The following CAPZA1 variants were observed in gnomAD, a reference collection of about 807,000 sequenced individuals.
CAPZA1 encodes F-actin-capping protein subunit alpha-1.
A neutral mutation model predicts 40.8 loss-of-function variants in CAPZA1; 10 were observed. The observed-to-expected ratio is 0.25, with a 90% CI of 0.15 to 0.42. The LOEUF (loss-of-function observed/expected upper bound fraction) is 0.42. Among genes scored for constraint, CAPZA1 ranks in the 10% least tolerant of loss-of-function variants. CAPZA1 has a pLI of 1.00. For synonymous variants in CAPZA1, 98 were observed against 115.0 expected, an observed-to-expected ratio of 0.85 and a Z score of 0.95; for missense variants, 277 against 353.8, an observed-to-expected ratio of 0.78 and a Z score of 1.74.
chr1:112,619,838 G>A lies in CAPZA1; in HGVS notation c.-7G>A, dbSNP rs1467417487. 3 of 1,612,766 alleles carry A rather than the reference G, an allele frequency of 1.9e-6. No homozygotes were observed. The East Asian group carries it at 6.7e-5, about 36-fold the overall frequency. On this transcript the variant is annotated 5_prime_UTR_variant, in exon 1 of 10. Coordinates refer to ENST00000263168, the MANE Select transcript of CAPZA1 (RefSeq NM_006135.3). ...CCCGTAGCCGGGCTGGGCCAGAACA[G>A]CCCAAGATGGCCGACTTCGATGATC...
At chr1:112,661,648 C>T (rs1476722161) in intron 7 of CAPZA1, among the ~76,000 whole-genome samples, 7 of 152,172 alleles carry the variant, frequency 4.6e-5, no homozygotes, top group Non-Finnish European at 1.0e-4. Context: ...CTTCCTAGAA[C>T]CATGGTATCA....
chr1:112,641,872 GA>G (rs1671172874), intron 1 of CAPZA1, among the ~76,000 whole-genome samples: 1 of 120,772 alleles, frequency 8.3e-6, no homozygotes, highest in South Asian at 2.7e-4. Context: ...CTGGGTGACA[GA>G]CTGAGACTGT....
chr1:112,657,257 C>A (rs1019828726), intron 5 of CAPZA1, among the ~76,000 whole-genome samples: 2 of 152,034 alleles, frequency 1.3e-5, no homozygotes, highest in Non-Finnish European at 2.9e-5. Context: ...AGCCACCAGG[C>A]CCGGCCTATT....
At chr1:112,651,985 G>A (rs1181746514) in intron 3 of CAPZA1, among the ~76,000 whole-genome samples, 1 of 151,968 alleles carries the variant, frequency 6.6e-6, no homozygotes, top group Non-Finnish European at 1.5e-5. Flanking sequence ...GCTGGGTGTG[G>A]TGGTGCGCAT....
chr1:112,666,868 G>A, intron 7 of CAPZA1: 1 of 520,992 alleles, frequency 1.9e-6, no homozygotes, highest in Admixed American at 3.7e-5. Context: ...AGTTTTCCTT[G>A]CTAAGGAAAA....
At chr1:112,622,666 T>C (rs1319202181) in intron 1 of CAPZA1, among the ~76,000 whole-genome samples, 1 of 152,228 alleles carries the variant, frequency 6.6e-6, no homozygotes, top group Admixed American at 6.5e-5. Flanking sequence ...AGTATGGTAA[T>C]TGAGAAGTCA....
intron 7 of CAPZA1, among the ~76,000 whole-genome samples, chr1:112,666,083 C>T (rs1407722621): frequency 6.6e-6 from 1 of 152,280 alleles, no homozygotes; most frequent in East Asian, 1.9e-4. Context: ...AGTGATCCTC[C>T]CGTCTTAGCC....
chr1:112,631,960 G>T (rs1276418099), intron 1 of CAPZA1, among the ~76,000 whole-genome samples: 2 of 151,918 alleles, frequency 1.3e-5, no homozygotes, highest in Admixed American at 1.3e-4. Flanking sequence ...ATGACTCTTA[G>T]TTAAAGTAAA....
intron 1 of CAPZA1, chr1:112,626,278 T>C (rs191075426): frequency 6.9e-4 from 105 of 152,196 alleles, no homozygotes; most frequent in African/African-American, 2.4e-3. Context: ...TGTAGGTATA[T>C]AGGAACTATA....
intron 3 of CAPZA1, among the ~76,000 whole-genome samples, chr1:112,652,630 G>C (rs556450251): frequency 6.8e-4 from 103 of 152,078 alleles, no homozygotes; most frequent in African/African-American, 2.3e-3. Flanking sequence ...GTTTTCACAT[G>C]CATGTGTGAG....
At chr1:112,640,641 G>A (rs919380517) in intron 1 of CAPZA1, among the ~76,000 whole-genome samples, 2 of 151,922 alleles carry the variant, frequency 1.3e-5, no homozygotes, top group South Asian at 2.1e-4. Context: ...CATCCGGGAC[G>A]TGAGGGGTGC....
chr1:112,653,690 C>T, intron 4 of CAPZA1, 29 bp downstream of exon 4: 1 of 1,447,310 alleles, frequency 6.9e-7, no homozygotes, highest in Non-Finnish European at 9.6e-7. Flanking sequence ...ACAGGCTATG[C>T]CTGGCAGATA....
At chr1:112,633,920 A>G (rs1331450480) in intron 1 of CAPZA1, among the ~76,000 whole-genome samples, 1 of 152,120 alleles carries the variant, frequency 6.6e-6, no homozygotes. Flanking sequence ...TGCCCATTTT[A>G]AAATTGGGTT....
At chr1:112,623,080 T>C in intron 1 of CAPZA1, among the ~76,000 whole-genome samples, 1 of 151,972 alleles carries the variant, frequency 6.6e-6, no homozygotes, top group South Asian at 2.1e-4. Flanking sequence ...AGAGACAGGG[T>C]TTCAATATGT....
chr1:112,630,412 C>T (rs1670897944), intron 1 of CAPZA1, among the ~76,000 whole-genome samples: 1 of 151,944 alleles, frequency 6.6e-6, no homozygotes, highest in Admixed American at 6.6e-5. Context: ...GGTGCCATCT[C>T]GGCTCACTGC....
chr1:112,644,156 GT>G (rs1199405241), intron 1 of CAPZA1, among the ~76,000 whole-genome samples: 2 of 139,962 alleles, frequency 1.4e-5, no homozygotes, highest in African/African-American at 5.5e-5. Context: ...AAATTGCTGG[GT>G]TTTTTTTTCT....
intron 1 of CAPZA1, among the ~76,000 whole-genome samples, chr1:112,623,061 A>G (rs1260457679): frequency 1.3e-5 from 2 of 151,810 alleles, no homozygotes; most frequent in Non-Finnish European, 2.9e-5. Context: ...AATTTTTTGT[A>G]TTTTTAGTAG....
At chr1:112,641,991 C>A (rs1671177563) in intron 1 of CAPZA1, among the ~76,000 whole-genome samples, 1 of 147,256 alleles carries the variant, frequency 6.8e-6, no homozygotes, top group Non-Finnish European at 1.5e-5. Flanking sequence ...TAAAAAAAAA[C>A]CTTTATTTTC....
chr1:112,669,514 G>A (rs376847770), intron 8 of CAPZA1, 29 bp from the exon 9 acceptor site: 3 of 1,539,444 alleles, frequency 1.9e-6, no homozygotes, highest in Non-Finnish European at 2.7e-6. Flanking sequence ...AAAAAAATCT[G>A]ATTTTCCCCT....
Sources: allele counts gnomAD v4.1 joint callset (sites outside exome capture counted in the v4.1 genomes callset), GRCh38; gene constraint gnomAD v4.1.1; transcripts MANE v1.5; gene names NCBI Gene and HGNC (gene_info 2026-07-23, HGNC 2026-07-21).